The following TGFB2 variants were observed in gnomAD, a reference collection of about 807,000 sequenced individuals.
TGFB2 encodes the protein transforming growth factor beta 2, also known as transforming growth factor beta-2 proprotein.
Under a neutral mutation model 42.7 loss-of-function variants are expected in TGFB2, and 13 were observed. The ratio of observed to expected loss-of-function variants is 0.30; its 90% CI spans 0.20 to 0.48. The LOEUF is 0.48. Among genes scored for constraint, TGFB2 ranks in the 20% least tolerant of loss-of-function variants. TGFB2 has a pLI of 0.99. For synonymous variants in TGFB2, 193 were observed against 193.6 expected (o/e 1.00, Z 0.03); for missense variants, 390 against 517.5 (o/e 0.75, Z 2.39).
At chr1:218,350,913 A>G (rs1656848971) in intron 1 of TGFB2, among the ~76,000 whole-genome samples, 2 of 152,256 alleles carry the variant, frequency 1.3e-5, no homozygotes, top group African/African-American at 4.8e-5. Flanking sequence ...CAATGGAAGA[A>G]AGTAAATAAT....
chr1:218,413,540 G>T (rs1463065701), intron 2 of TGFB2, among the ~76,000 whole-genome samples: 1 of 152,208 alleles, frequency 6.6e-6, no homozygotes, highest in Non-Finnish European at 1.5e-5. Context: ...CGCTAGCATG[G>T]CAAAGGGACC....
At chr1:218,392,688 G>T (rs1402945372) in intron 1 of TGFB2, among the ~76,000 whole-genome samples, 1 of 152,228 alleles carries the variant, frequency 6.6e-6, no homozygotes, top group African/African-American at 2.4e-5. Flanking sequence ...ACCCCTTTGT[G>T]TGCTATCATT....
At chr1:218,390,277 C>T (rs1325199706) in intron 1 of TGFB2, among the ~76,000 whole-genome samples, 1 of 151,662 alleles carries the variant, frequency 6.6e-6, no homozygotes, top group Non-Finnish European at 1.5e-5. Flanking sequence ...ATTGCAAAGA[C>T]TTCTTGAATG....
intron 1 of TGFB2, among the ~76,000 whole-genome samples, chr1:218,359,682 G>C (rs371786142): frequency 2.0e-5 from 3 of 152,198 alleles, no homozygotes; most frequent in Admixed American, 2.0e-4. Context: ...TCTAAGAAGA[G>C]TAGAAACTCA....
At chr1:218,373,661 A>T (rs1320220040) in intron 1 of TGFB2, among the ~76,000 whole-genome samples, 1 of 151,500 alleles carries the variant, frequency 6.6e-6, no homozygotes, top group Non-Finnish European at 1.5e-5. Flanking sequence ...CAGCTGTCTG[A>T]CTCCAAAGCT....
At chr1:218,363,568 T>C (rs1270786977) in intron 1 of TGFB2, among the ~76,000 whole-genome samples, 2 of 152,238 alleles carry the variant, frequency 1.3e-5, no homozygotes, top group African/African-American at 4.8e-5. Flanking sequence ...GCCTAGAATT[T>C]TTTTTAGTAA....
intron 2 of TGFB2, 39 bp downstream of exon 2, chr1:218,405,371 T>G (rs779876337): frequency 1.2e-6 from 2 of 1,611,204 alleles, no homozygotes; most frequent in East Asian, 4.5e-5. Context: ...GTTGTTGTTG[T>G]TGTTTTAGAC....
intron 1 of TGFB2, among the ~76,000 whole-genome samples, chr1:218,397,095 C>T (rs1658539864): frequency 6.6e-6 from 1 of 151,294 alleles, no homozygotes; most frequent in African/African-American, 2.4e-5. Flanking sequence ...GGTGAAATCC[C>T]GTCTCTACTA....
At position 218,434,249 on chromosome 1, in the gene TGFB2, T is replaced by A. The variant is rs767204714; in HGVS notation, c.643+35T>A. The A allele has an allele frequency of 2.5e-6, 4 of 1,612,498 alleles. No individual in the cohort carries two copies. The African/African-American group carries it at 5.3e-5, about 22-fold the overall frequency. ...CACTCTCTCTTTTCCTCCCAAGATGTTCAGTATCCCTAAGTTACTTTAAAT... is the reference window on the plus strand; with the variant it reads ...CACTCTCTCTTTTCCTCCCAAGATGATCAGTATCCCTAAGTTACTTTAAAT... On this transcript the variant is annotated intron_variant, in intron 3 of 6. Coordinates refer to ENST00000366930, the MANE Select transcript of TGFB2 (RefSeq NM_003238.6).
chr1:218,384,653 T>C (rs1658072042), intron 1 of TGFB2, among the ~76,000 whole-genome samples: 1 of 152,206 alleles, frequency 6.6e-6, no homozygotes, highest in Non-Finnish European at 1.5e-5. Flanking sequence ...CTGTACATAT[T>C]GAGAGAGGCT....
In TGFB2 at chr1:218,369,895, T is replaced by C. The variant is rs529389843; in HGVS notation, c.346+22848T>C. On this transcript the variant is annotated intron_variant, in intron 1 of 6. Coordinates refer to ENST00000366930, the MANE Select transcript of TGFB2 (RefSeq NM_003238.6). ...AGAATTTGTAAAACTATGTCTCTTA[T>C]CAGTCAAAAAGAATTTCTGTGGGAC... 7.9e-5 allele frequency among the ~76,000 whole-genome samples: 12 copies of C among 152,380 alleles called. No individual in the cohort carries two copies. In the East Asian group the frequency reaches 2.3e-3, roughly 29 times the overall value.
intron 1 of TGFB2, among the ~76,000 whole-genome samples, chr1:218,347,933 A>ATTTTTTTTTTTTTTT (rs11406779): frequency 7.7e-6 from 1 of 129,900 alleles, no homozygotes. Flanking sequence ...CGACAGCCGT[A>ATTTTTTTTTTTTTTT]TTTTTTTTTT....
chr1:218,434,989 A>G (rs1659925413), intron 4 of TGFB2, among the ~76,000 whole-genome samples: 1 of 152,172 alleles, frequency 6.6e-6, no homozygotes, highest in South Asian at 2.1e-4. Context: ...AACACATAAA[A>G]ATGTTTTGGC....
At chr1:218,408,964 A>G (rs897665624) in intron 2 of TGFB2, among the ~76,000 whole-genome samples, 1 of 152,204 alleles carries the variant, frequency 6.6e-6, no homozygotes, top group Non-Finnish European at 1.5e-5. Flanking sequence ...ATATGGTCCC[A>G]TCTGGCAGTG....
At chr1:218,365,285 C>T (rs187147700) in intron 1 of TGFB2, among the ~76,000 whole-genome samples, 168 of 152,166 alleles carry the variant, frequency 1.1e-3, no homozygotes, top group African/African-American at 3.9e-3. Flanking sequence ...AATTTTGTAA[C>T]TTTCTTGCCT....
intron 1 of TGFB2, among the ~76,000 whole-genome samples, chr1:218,352,433 A>T (rs1413288194): frequency 6.6e-6 from 1 of 152,176 alleles, no homozygotes; most frequent in Non-Finnish European, 1.5e-5. Context: ...TTTAAAAAAT[A>T]TCCTTTAAAC....
At chr1:218,379,008 T>C (rs1657854191) in intron 1 of TGFB2, among the ~76,000 whole-genome samples, 1 of 152,110 alleles carries the variant, frequency 6.6e-6, no homozygotes, top group South Asian at 2.1e-4. Context: ...CAGCAGATTC[T>C]AGTTGTCATC....
At chr1:218,350,341 T>A (rs1411093456) in intron 1 of TGFB2, among the ~76,000 whole-genome samples, 3 of 152,156 alleles carry the variant, frequency 2.0e-5, no homozygotes, top group Non-Finnish European at 2.9e-5. Context: ...TTTGGCAATG[T>A]CCAGAGACAC....
intron 2 of TGFB2, among the ~76,000 whole-genome samples, chr1:218,422,408 G>A (rs183316080): frequency 1.3e-4 from 19 of 151,980 alleles, no homozygotes; most frequent in Admixed American, 5.9e-4. Context: ...TTTCATAGAG[G>A]TGAGGTCTCA....
Sources: allele counts gnomAD v4.1 joint callset (sites outside exome capture counted in the v4.1 genomes callset), GRCh38; gene constraint gnomAD v4.1.1; transcripts MANE v1.5; gene names NCBI Gene and HGNC (gene_info 2026-07-23, HGNC 2026-07-21).